Variants in IFT25 observed in about 807,000 individuals in gnomAD.
IFT25 encodes the protein intraflagellar transport 25, also known as intraflagellar transport protein 25 homolog.
At chr1:53,946,248 C>T in the IFT25 span, 2 of 151,914 alleles carry the variant, frequency 1.3e-5, no homozygotes, top group South Asian at 2.1e-4. Context: ...TCTGCGAGTT[C>T]CAAACCCTCG....
the IFT25 span, among the ~76,000 whole-genome samples, chr1:53,911,942 T>C: frequency 6.6e-6 from 1 of 152,176 alleles, no homozygotes; most frequent in Non-Finnish European, 1.5e-5. Flanking sequence ...CACAACTGCT[T>C]CCTCGGGCCC....
chr1:53,921,776 G>GA, the IFT25 span: 4 of 1,551,986 alleles, frequency 2.6e-6, no homozygotes, highest in South Asian at 1.1e-5. Flanking sequence ...GCCTGTATGG[G>GA]AAAAAAATCA....
chr1:53,918,443 C>T, the IFT25 span, among the ~76,000 whole-genome samples: 1 of 152,266 alleles, frequency 6.6e-6, no homozygotes, highest in Non-Finnish European at 1.5e-5. Context: ...AAAAGAACTC[C>T]GAAGGGTCTC....
At chr1:53,926,509 A>C in the IFT25 span, among the ~76,000 whole-genome samples, 202 of 152,334 alleles carry the variant, frequency 1.3e-3, no homozygotes, top group Non-Finnish European at 2.0e-3. Flanking sequence ...TACCACCATC[A>C]TAACATTAAA....
the IFT25 span, chr1:53,945,930 C>T: frequency 1.5e-5 from 2 of 133,674 alleles, no homozygotes; most frequent in Non-Finnish European, 3.1e-5. Context: ...GCTCCTACCC[C>T]GAGCTTTTCG....
At chr1:53,919,787 A>G in the IFT25 span, among the ~76,000 whole-genome samples, 1 of 143,612 alleles carries the variant, frequency 7.0e-6, no homozygotes, top group Non-Finnish European at 1.5e-5. Context: ...CAAATCAATA[A>G]CTTTTTTCCT....
the IFT25 span, chr1:53,929,382 A>G: frequency 2.6e-5 from 4 of 152,230 alleles, no homozygotes; most frequent in African/African-American, 9.7e-5. Context: ...GGGCCTCATC[A>G]TTCCTTGCCT....
the IFT25 span, among the ~76,000 whole-genome samples, chr1:53,934,464 C>T: frequency 6.6e-6 from 1 of 152,098 alleles, no homozygotes; most frequent in East Asian, 1.9e-4. Flanking sequence ...AGCAGTTTGA[C>T]TAAGATACAA....
At chr1:53,923,983 G>C in the IFT25 span, 3 of 1,374,352 alleles carry the variant, frequency 2.2e-6, no homozygotes, top group South Asian at 2.4e-5. Context: ...ATGAGTTAAG[G>C]GTCAAAATAC....
chr1:53,937,984 T>G, the IFT25 span, among the ~76,000 whole-genome samples: 1 of 152,248 alleles, frequency 6.6e-6, no homozygotes, highest in East Asian at 1.9e-4. Context: ...GTTAACCTAG[T>G]GTAGCACAAA....
At chr1:53,917,144 CA>C in the IFT25 span, 8 of 131,038 alleles carry the variant, frequency 6.1e-5, no homozygotes, top group Non-Finnish European at 6.6e-5. Flanking sequence ...AACTACATCT[CA>C]AAAAAAAAGA....
At chr1:53,927,058 G>A in the IFT25 span, among the ~76,000 whole-genome samples, 6 of 152,152 alleles carry the variant, frequency 3.9e-5, no homozygotes, top group South Asian at 4.2e-4. Context: ...TTGTCTATTC[G>A]TGGTTTCACT....
the IFT25 span, among the ~76,000 whole-genome samples, chr1:53,916,063 T>C: frequency 1.3e-5 from 2 of 151,884 alleles, no homozygotes; most frequent in African/African-American, 2.4e-5. Context: ...CATGTGTCTG[T>C]AGTCCCAGCT....
At chr1:53,946,183 CCCGCAGGACCCA>C in the IFT25 span, 1 of 152,198 alleles carries the variant, frequency 6.6e-6, no homozygotes. Flanking sequence ...ATCCCCGGGG[CCCGCAGGACCCA>C]GGGGACCCAC....
At chr1:53,939,219 A>G in the IFT25 span, among the ~76,000 whole-genome samples, 35,721 of 150,814 alleles carry the variant, frequency 0.24, 6,722 homozygotes, top group African/African-American at 0.53. Context: ...GTGAAATCCC[A>G]TCTCTACTAA....
At chr1:53,940,954 ATT>A in the IFT25 span, among the ~76,000 whole-genome samples, 4,264 of 147,604 alleles carry the variant, frequency 0.029, 72 homozygotes, top group East Asian at 0.057. Context: ...CCAAAAAAAA[ATT>A]TTTTTTTTTC....
chr1:53,926,898 T>C, the IFT25 span, among the ~76,000 whole-genome samples: 2 of 151,638 alleles, frequency 1.3e-5, no homozygotes, highest in Non-Finnish European at 2.9e-5. Flanking sequence ...AATTTTTAAT[T>C]TTTTTTTGTA....
chr1:53,928,726 T>C, the IFT25 span: 4 of 315,610 alleles, frequency 1.3e-5, no homozygotes, highest in Non-Finnish European at 2.3e-5. Context: ...GCGATAATAC[T>C]ACTATTGGTG....
chr1:53,936,777 C>CT, the IFT25 span, among the ~76,000 whole-genome samples: 91 of 147,192 alleles, frequency 6.2e-4, no homozygotes, highest in East Asian at 5.9e-4. Flanking sequence ...TTTTACTTTG[C>CT]TTTTTTTTTT....
Sources: gnomAD v4.1 joint callset for allele counts (sites outside exome capture counted in the v4.1 genomes callset) on GRCh38, gnomAD v4.1.1 for gene constraint, MANE v1.5 for transcripts, NCBI Gene and HGNC (gene_info 2026-07-23, HGNC 2026-07-21) for gene names.